SLC24A1: variants seen among roughly 807,000 people sequenced by gnomAD.
The protein encoded by SLC24A1 is solute carrier family 24 member 1.
Under a neutral mutation model 88.1 loss-of-function variants are expected in SLC24A1, and 52 were observed. That is an observed-to-expected ratio of 0.59 (90% confidence interval 0.47 to 0.74). The LOEUF (loss-of-function observed/expected upper bound fraction) is 0.74, where lower values mean the gene tolerates loss of function less well. SLC24A1 is among the 30% of genes least tolerant of loss of function. The pLI is 0.00. For missense variants in SLC24A1, 1,173 were observed against 1,363.3 expected (o/e 0.86, Z 2.20); for synonymous variants, 455 against 498.0 (o/e 0.91, Z 1.15).
At chr15:65,643,804 A>G (rs1012710350) in intron 4 of SLC24A1, 5 of 153,642 alleles carry the variant, frequency 3.3e-5, no homozygotes, top group Non-Finnish European at 7.2e-5. Flanking sequence ...CCTGGGGTCA[A>G]AAAGGGTGTA....
At position 65,650,786 on chromosome 15, in the gene SLC24A1, GGAA is replaced by G; in HGVS notation, c.2640_2642del (p.Glu890del). 4 of 1,612,636 alleles carry G rather than the reference GGAA, an allele frequency of 2.5e-6. No homozygotes were observed. The highest frequency in any genetic ancestry group is 3.4e-6 in the Non-Finnish European group (4 of 1,179,430). The stretch of plus-strand genomic sequence containing the variant: ...AAGAGGAGGAGGAGGAAGAGCAGGA[GGAA>G]GAGGAGGAGGAGGAGGAGGAAGAGG... On this transcript the variant is annotated inframe_deletion, in exon 7 of 10. Coordinates refer to ENST00000261892, the MANE Select transcript of SLC24A1 (RefSeq NM_004727.3). This position sits in a 1 kb window ranked among gnomAD's most constrained non-coding sequence, Gnocchi z 4.1.
rs1277748129 is a variant in SLC24A1 at position 65,654,253 on chromosome 15, G to C, written c.*174G>C. On this transcript the variant is annotated 3_prime_UTR_variant, in exon 10 of 10. Transcript: ENST00000261892. ...AAGTTTGTCCTTGGAAACACCTGCA[G>C]CTCATTGTGGATTAAGAACCTCACC... The C allele has an allele frequency of 1.4e-6, 2 of 1,408,890 alleles. No homozygotes were observed. Among genetic ancestry groups the C allele is most frequent in the Non-Finnish European group, 1.8e-6 (2 of 1,087,918 alleles). The allele number at this position is 1,408,890 out of a possible 1,614,324, so 87.3% of individuals were successfully genotyped here.
intron 2 of SLC24A1, among the ~76,000 whole-genome samples, chr15:65,629,301 A>G (rs531216505): frequency 6.5e-4 from 99 of 152,242 alleles, no homozygotes; most frequent in Non-Finnish European, 1.3e-3. Flanking sequence ...AGTGATTCTA[A>G]TCAGAATTTA....
chr15:65,643,931 A>G (rs2075219145), intron 4 of SLC24A1: 1 of 157,522 alleles, frequency 6.3e-6, no homozygotes, highest in East Asian at 1.8e-4. Flanking sequence ...ATTCATAGAA[A>G]GTAAGCTACA....
exon 2 of SLC24A1, chr15:65,612,607 G>T (rs1391496351): frequency 1.3e-5 from 2 of 152,262 alleles, no homozygotes; most frequent in Non-Finnish European, 2.9e-5. Context: ...CAGGCATTGG[G>T]CTCCAGGTAA....
upstream of SLC24A1, among the ~76,000 whole-genome samples, chr15:65,617,758 C>CA (rs2074196206): frequency 6.6e-6 from 1 of 152,186 alleles, no homozygotes; most frequent in Non-Finnish European, 1.5e-5. Flanking sequence ...CCAGAACTTC[C>CA]AACACTATGT....
At chr15:65,646,474 G>A (rs1471555208) in intron 6 of SLC24A1, among the ~76,000 whole-genome samples, 1 of 148,844 alleles carries the variant, frequency 6.7e-6, no homozygotes, top group Non-Finnish European at 1.5e-5. Flanking sequence ...ATCTTACCAT[G>A]CACCCCACCC....
At chr15:65,658,861 C>CT (rs1173271399), downstream of SLC24A1, among the ~76,000 whole-genome samples, 2 of 152,076 alleles carry the variant, frequency 1.3e-5, no homozygotes, top group Non-Finnish European at 2.9e-5. Context: ...CCAATGTTTT[C>CT]TGGGACCATT....
Position 65,625,443 on chromosome 15 carries a change from G to A in SLC24A1, c.1363G>A (p.Val455Met), listed in dbSNP as rs1287354202. ...TGTGGAGGAGCGGCGGCAGGGCTGG[G>A]TGGTCCTGCACGTTTTTGGCATGAT... ...FSVEERRQGW[V>M]VLHVFGMMYV... The change falls in exon 2 of 10, where the codon GTG (valine) becomes ATG (methionine). Residue 455 changes from valine (V) to methionine (M), a missense_variant. Transcript: ENST00000261892. The A allele has an allele frequency of 1.2e-6, 2 of 1,614,072 alleles. No homozygotes were observed. Among genetic ancestry groups the A allele is most frequent in the Non-Finnish European group, 1.7e-6 (2 of 1,179,910 alleles).
intron 8 of SLC24A1, chr15:65,652,075 C>T (rs1596351878): frequency 5.2e-6 from 2 of 383,478 alleles, no homozygotes; most frequent in Non-Finnish European, 1.0e-5. Context: ...TGAAATCCTA[C>T]GCATTCTGAG....
At chr15:65,642,418 C>G (rs999760694) in intron 4 of SLC24A1, among the ~76,000 whole-genome samples, 1 of 152,114 alleles carries the variant, frequency 6.6e-6, no homozygotes, top group African/African-American at 2.4e-5. Flanking sequence ...TGCAGCTGAC[C>G]TGTTTTCCTC....
chr15:65,643,922 T>C (rs2075218876), intron 4 of SLC24A1: 2 of 157,050 alleles, frequency 1.3e-5, no homozygotes, highest in African/African-American at 4.8e-5. Context: ...CTCTAGTAGA[T>C]TCATAGAAAG....
rs1018878165 is a variant in SLC24A1, at chr15:65,655,371, A to G, written c.*1292A>G. On this transcript the variant is annotated 3_prime_UTR_variant, in exon 10 of 10. Transcript: ENST00000261892. ...GGATCTTAAGGTAATTACAAAAGGG[A>G]AATTCCAAGAATGCATAACACAATG... 1 of 985,268 alleles carries G rather than the reference A, an allele frequency of 1.0e-6. No individual in the cohort carries two copies. Among genetic ancestry groups the G allele is most frequent in the Non-Finnish European group, 1.2e-6 (1 of 829,868 alleles). 61.0% of individuals were successfully genotyped at this position (985,268 alleles called of 1,614,324 possible).
intron 4 of SLC24A1, among the ~76,000 whole-genome samples, chr15:65,641,753 G>C (rs2075137413): frequency 6.6e-6 from 1 of 152,210 alleles, no homozygotes; most frequent in Admixed American, 6.5e-5. Flanking sequence ...ACTCCCAGAG[G>C]AATCACTGAC....
chr15:65,630,960 G>T (rs1450376032), intron 2 of SLC24A1, among the ~76,000 whole-genome samples: 1 of 151,894 alleles, frequency 6.6e-6, no homozygotes, highest in Non-Finnish European at 1.5e-5. Flanking sequence ...AACAGAGCAA[G>T]ACTCTGTCTC....
upstream of SLC24A1, among the ~76,000 whole-genome samples, chr15:65,620,735 TA>T (rs2074293458): frequency 1.3e-5 from 2 of 152,248 alleles, no homozygotes; most frequent in African/African-American, 4.8e-5. Flanking sequence ...CTGAATTTTT[TA>T]TATTGAATAA....
In SLC24A1 at chr15:65,625,251, G is replaced by T. The variant is rs377117199; in HGVS notation, c.1171G>T (p.Val391Phe). ...PTVRAKLTMQ[V>F]HHCVVVKPTP... ...GGTCAGGGCAAAGCTGACCATGCAGGTCCATCACTGTGTGGTTGTGAAGCC... is the reference window on the plus strand; with the variant it reads ...GGTCAGGGCAAAGCTGACCATGCAGTTCCATCACTGTGTGGTTGTGAAGCC... The change falls in exon 2 of 10, where the codon GTC becomes TTC. Residue 391 changes from valine to phenylalanine, a missense_variant. Physicochemically the swap from Val to Phe is conservative, Grantham distance 50. Coordinates refer to ENST00000261892, the MANE Select transcript of SLC24A1 (RefSeq NM_004727.3). The T allele has an allele frequency of 6.2e-7, 1 of 1,613,748 alleles. No individual in the cohort carries two copies. Among genetic ancestry groups the T allele is most frequent in the African/African-American group, 1.3e-5 (1 of 74,884 alleles).
In SLC24A1 at chr15:65,625,322, C is replaced by G. The variant is rs1187935046; in HGVS notation, c.1242C>G (p.Ala414=). ...LTTPSPSLTT[A]LLPEELSPSP... ...CTCCCTCCCCAAGCCTCACAACAGC[C>G]CTGCTCCCAGAGGAGCTCAGTCCTA... Residue 414 remains alanine (A), a synonymous_variant, in exon 2 of 10, where the codon GCC becomes GCG. Transcript: ENST00000261892. 1.9e-5 allele frequency: 31 copies of G among 1,613,910 alleles called. No individual in the cohort carries two copies. Among genetic ancestry groups the G allele is most frequent in the Non-Finnish European group, 2.6e-5 (31 of 1,179,894 alleles).
intron 4 of SLC24A1, among the ~76,000 whole-genome samples, chr15:65,639,937 T>G (rs2075068399): frequency 1.3e-5 from 2 of 152,174 alleles, no homozygotes; most frequent in Admixed American, 1.3e-4. Context: ...TCCTTGGGTA[T>G]CCACATCCCA....
Sources: gnomAD v4.1 joint callset for allele counts (sites outside exome capture counted in the v4.1 genomes callset) on GRCh38, gnomAD v4.1.1 for gene constraint, Gnocchi (gnomAD v3.1) non-coding constraint, MANE v1.5 for transcripts, NCBI Gene and HGNC (gene_info 2026-07-23, HGNC 2026-07-21) for gene names.